The following NRXN3 variants were observed in gnomAD, a reference collection of about 807,000 sequenced individuals.
The protein encoded by NRXN3 is neurexin 3.
In NRXN3, 32 loss-of-function variants were observed where a neutral mutation model predicts 137.6. That is an observed-to-expected ratio of 0.23 (90% CI 0.18 to 0.31). The LOEUF (loss-of-function observed/expected upper bound fraction) is 0.31. Ranked by LOEUF, NRXN3 falls within the 10% of genes least tolerant of loss-of-function variation. The probability of loss-of-function intolerance (pLI) is 1.00; values close to 1 mark genes in which losing one functional copy is unlikely to be tolerated. For missense variants in NRXN3, 1,574 were observed against 2,062.5 expected, an observed-to-expected ratio of 0.76 and a Z score of 4.59; for synonymous variants, 798 against 784.5, an observed-to-expected ratio of 1.02 and a Z score of -0.29.
intron 15 of NRXN3, among the ~76,000 whole-genome samples, chr14:79,160,394 T>C (rs1160651888): frequency 6.6e-6 from 1 of 151,966 alleles, no homozygotes; most frequent in African/African-American, 2.4e-5. Flanking sequence ...TAGCACATTG[T>C]AGGTGCCCCA....
At chr14:79,320,796 C>G (rs908545170) in intron 15 of NRXN3, among the ~76,000 whole-genome samples, 2 of 151,312 alleles carry the variant, frequency 1.3e-5, no homozygotes, top group African/African-American at 2.4e-5. Flanking sequence ...ACCAACAAAA[C>G]GTGTCATATG....
intron 8 of NRXN3, among the ~76,000 whole-genome samples, chr14:78,797,704 G>A (rs4903805): frequency 0.95 from 145,256 of 152,106 alleles, 69,701 homozygotes; most frequent in East Asian, 1. Flanking sequence ...ACCGATAAAG[G>A]CATACCCGAG....
chr14:79,442,821 G>A (rs2095988529), intron 15 of NRXN3, among the ~76,000 whole-genome samples: 1 of 151,984 alleles, frequency 6.6e-6, no homozygotes, highest in African/African-American at 2.4e-5. Flanking sequence ...TTATCTTTTG[G>A]TAGAACCTTG....
At chr14:78,718,966 C>T (rs987936107) in intron 8 of NRXN3, among the ~76,000 whole-genome samples, 4 of 152,206 alleles carry the variant, frequency 2.6e-5, no homozygotes, top group African/African-American at 4.8e-5. Flanking sequence ...TTAGCCTGCT[C>T]TGGAGTTAGT....
At chr14:79,371,757 C>G (rs1315995882) in intron 15 of NRXN3, among the ~76,000 whole-genome samples, 1 of 152,004 alleles carries the variant, frequency 6.6e-6, no homozygotes, top group Non-Finnish European at 1.5e-5. Flanking sequence ...TTCTTATGCA[C>G]CTTCATAGTA....
chr14:79,680,443 T>TTGTG lies in NRXN3; in HGVS notation c.3617-11716_3617-11713dup, dbSNP rs112213664. On this transcript the variant is annotated intron_variant, in intron 17 of 20. Coordinates refer to ENST00000335750, the MANE Select transcript of NRXN3 (RefSeq NM_001330195.2). ...AACCAAGGTTGCAAGGTAGGACTGT[T>TTGTG]TGTGTGTGTGTGTGTGTATGTGTGT... is the stretch of plus-strand genomic sequence containing the variant. Among the ~76,000 whole-genome samples, 881 of 150,318 alleles carry TTGTG rather than the reference T, an allele frequency of 5.9e-3. 4 individuals carry two copies. The highest frequency in any genetic ancestry group is 8.5e-3 in the Non-Finnish European group (571 of 67,404).
Position 79,535,338 on chromosome 14 carries a change from G to A in NRXN3, c.3444+67936G>A, listed in dbSNP as rs527251923. 9.9e-5 allele frequency among the ~76,000 whole-genome samples: 15 copies of A among 152,234 alleles called. No individual in the cohort carries two copies. The East Asian group carries it at 1.5e-3, about 16-fold the overall frequency. On this transcript the variant is annotated intron_variant, in intron 16 of 20. Transcript: ENST00000335750. The stretch of plus-strand genomic sequence containing the variant: ...CTGACTGATTTAAAAGCTTCTTCCC[G>A]CGTAGCATCACCGGGAGAATGAGTG...
At chr14:78,874,986 G>T (rs917924537) in intron 10 of NRXN3, among the ~76,000 whole-genome samples, 6 of 152,220 alleles carry the variant, frequency 3.9e-5, no homozygotes, top group African/African-American at 1.4e-4. Flanking sequence ...GAGCACAGGG[G>T]TGTGGAGAAT....
chr14:78,647,617 A>C (rs1481410132), intron 5 of NRXN3, among the ~76,000 whole-genome samples: 1 of 152,218 alleles, frequency 6.6e-6, no homozygotes, highest in Non-Finnish European at 1.5e-5. Flanking sequence ...TATTGGGGGT[A>C]TTTCTTGGCA....
chr14:78,721,411 T>G (rs1595153471), intron 8 of NRXN3, among the ~76,000 whole-genome samples: 1 of 152,244 alleles, frequency 6.6e-6, no homozygotes, highest in African/African-American at 2.4e-5. Context: ...GGTTTCACGC[T>G]CTCTCAGGCC....
At chr14:79,767,062 A>G (rs1463109378) in intron 19 of NRXN3, among the ~76,000 whole-genome samples, 1 of 152,210 alleles carries the variant, frequency 6.6e-6, no homozygotes, top group Admixed American at 6.5e-5. Flanking sequence ...CCAGAACATT[A>G]ATGCAAATTC....
chr14:78,745,851 A>T (rs932522842), intron 8 of NRXN3, among the ~76,000 whole-genome samples: 1 of 152,174 alleles, frequency 6.6e-6, no homozygotes, highest in African/African-American at 2.4e-5. Context: ...CAAGACTAAC[A>T]GTTCTTGACT....
chr14:79,300,127 A>G (rs1186642529), intron 15 of NRXN3, among the ~76,000 whole-genome samples: 1 of 152,056 alleles, frequency 6.6e-6, no homozygotes, highest in Non-Finnish European at 1.5e-5. Flanking sequence ...GTGTTGTCTC[A>G]TATGATCCCC....
chr14:79,100,581 A>G (rs2051094044), intron 15 of NRXN3, among the ~76,000 whole-genome samples: 1 of 152,066 alleles, frequency 6.6e-6, no homozygotes. Context: ...AGTTTAACAG[A>G]AACATATTCC....
intron 10 of NRXN3, among the ~76,000 whole-genome samples, chr14:78,829,661 C>T (rs2098976424): frequency 6.6e-6 from 1 of 152,084 alleles, no homozygotes; most frequent in African/African-American, 2.4e-5. Flanking sequence ...AATATTGCAT[C>T]TAGTCCTATA....
chr14:78,966,897 A>T (rs2099418564), intron 12 of NRXN3, among the ~76,000 whole-genome samples: 1 of 152,178 alleles, frequency 6.6e-6, no homozygotes, highest in South Asian at 2.1e-4. Context: ...ACCAAAACAG[A>T]TTAATGGTTG....
intron 16 of NRXN3, among the ~76,000 whole-genome samples, chr14:79,597,183 A>G (rs1178750233): frequency 6.6e-6 from 1 of 152,212 alleles, no homozygotes; most frequent in East Asian, 1.9e-4. Context: ...ACTTTAATCT[A>G]GCACTAATCC....
At chr14:79,121,571 A>T (rs1453650837) in intron 15 of NRXN3, among the ~76,000 whole-genome samples, 1 of 152,182 alleles carries the variant, frequency 6.6e-6, no homozygotes, top group African/African-American at 2.4e-5. Context: ...TCTTTTGATT[A>T]TCTCGTTTTA....
intron 16 of NRXN3, among the ~76,000 whole-genome samples, chr14:79,544,757 G>A (rs2097303761): frequency 6.6e-6 from 1 of 152,120 alleles, no homozygotes; most frequent in African/African-American, 2.4e-5. Context: ...TGTAGTCTCT[G>A]GCCACCAGCA....
Sources: allele counts gnomAD v4.1 joint callset (sites outside exome capture counted in the v4.1 genomes callset), GRCh38; gene constraint gnomAD v4.1.1; transcripts MANE v1.5; gene names NCBI Gene and HGNC (gene_info 2026-07-23, HGNC 2026-07-21).